MAP3K14: variants seen among roughly 807,000 people sequenced by gnomAD.
MAP3K14 encodes NF-kappa-beta-inducing kinase.
In MAP3K14, 16 loss-of-function variants were observed where a neutral mutation model predicts 99.2. That is an observed-to-expected ratio of 0.16 (90% CI 0.11 to 0.24). The LOEUF is 0.24. Ranked by LOEUF, MAP3K14 falls within the 10% of genes least tolerant of loss-of-function variation. The pLI, the probability that MAP3K14 is intolerant of heterozygous loss-of-function variation, is 1.00. For synonymous variants in MAP3K14, 462 were observed against 492.4 expected (o/e 0.94, Z 0.82); for missense variants, 784 against 1,208.7 (o/e 0.65, Z 5.21).
intron 1 of MAP3K14, among the ~76,000 whole-genome samples, chr17:45,306,180 AG>A (rs2044428671): frequency 3.3e-5 from 5 of 152,326 alleles, no homozygotes; most frequent in African/African-American, 9.6e-5. Flanking sequence ...TCCGTTTACA[AG>A]GAGGAAGAAA....
At chr17:45,284,612 G>C (rs1246969251) in intron 6 of MAP3K14, among the ~76,000 whole-genome samples, 200 bp downstream of exon 6, 1 of 152,216 alleles carries the variant, frequency 6.6e-6, no homozygotes, top group Non-Finnish European at 1.5e-5. Context: ...ACACATGCCA[G>C]GGGCAGCAGC....
chr17:45,297,867 T>A (rs2044357511), intron 1 of MAP3K14, among the ~76,000 whole-genome samples: 1 of 151,940 alleles, frequency 6.6e-6, no homozygotes, highest in Admixed American at 6.6e-5. Context: ...TACAGGCATG[T>A]GCCACCACAT....
chr17:45,282,111 C>T (rs1302728776), intron 6 of MAP3K14: 1 of 151,980 alleles, frequency 6.6e-6, no homozygotes, highest in African/African-American at 2.4e-5. Context: ...CTATTTTTTA[C>T]TCTTTTGTAG....
At chr17:45,306,856 A>G (rs1362607852) in intron 1 of MAP3K14, among the ~76,000 whole-genome samples, 2 of 152,252 alleles carry the variant, frequency 1.3e-5, no homozygotes, top group Non-Finnish European at 2.9e-5. Flanking sequence ...CAAAGACCCA[A>G]TATGCAGGAG....
At chr17:45,285,800 A>T (rs35504932) in intron 5 of MAP3K14, among the ~76,000 whole-genome samples, 4,558 of 151,934 alleles carry the variant, frequency 0.03, 231 homozygotes, top group African/African-American at 0.11. Context: ...TATTAAAAAA[A>T]ATATAGCTGG....
At chr17:45,288,684 CTT>C (rs2044287440) in intron 3 of MAP3K14, among the ~76,000 whole-genome samples, 1 of 152,152 alleles carries the variant, frequency 6.6e-6, no homozygotes, top group Admixed American at 6.5e-5. Context: ...CACTTGAACT[CTT>C]GTTTCAAAAA....
intron 1 of MAP3K14, among the ~76,000 whole-genome samples, chr17:45,314,759 ATC>A (rs1474598280): frequency 1.1e-4 from 17 of 152,208 alleles, no homozygotes; most frequent in Admixed American, 7.9e-4. Context: ...CAGAAAGAAC[ATC>A]TGTCAAACCA....
intron 6 of MAP3K14, chr17:45,282,092 T>G (rs2044227898): frequency 6.6e-6 from 1 of 152,098 alleles, no homozygotes; most frequent in African/African-American, 2.4e-5. Flanking sequence ...TGAAATTTCT[T>G]TTTTATTTCT....
At chr17:45,281,808 T>TA (rs1421850646) in intron 6 of MAP3K14, 1 of 151,854 alleles carries the variant, frequency 6.6e-6, no homozygotes, top group South Asian at 2.1e-4. Context: ...CACACCCGGC[T>TA]AATATTTGTA....
intron 11 of MAP3K14, among the ~76,000 whole-genome samples, chr17:45,269,590 G>C (rs1427484970): frequency 1.3e-5 from 2 of 152,188 alleles, no homozygotes; most frequent in East Asian, 3.8e-4. Flanking sequence ...CGTACTGGGA[G>C]GGAAGGGGGC....
At chr17:45,295,650 G>C (rs2044341195) in intron 1 of MAP3K14, among the ~76,000 whole-genome samples, 1 of 152,226 alleles carries the variant, frequency 6.6e-6, no homozygotes, top group Non-Finnish European at 1.5e-5. Context: ...TTGCAGAGGT[G>C]GGGTTGAACC....
At position 45,267,424 on chromosome 17, in the gene MAP3K14, G is replaced by T; in HGVS notation, c.2308C>A (p.Leu770Met). Residue 770 changes from leucine (L) to methionine (M), a missense_variant, in exon 12 of 16, where the codon CTG becomes ATG. By Grantham distance (15) the Leu-to-Met change is conservative. Coordinates refer to ENST00000344686, the MANE Select transcript of MAP3K14 (RefSeq NM_003954.5). This position sits in a 1 kb window ranked among gnomAD's most constrained non-coding sequence, Gnocchi z 5.1. The part of the protein sequence containing the change: ...ERKATVPEQE[L>M]QQLEIELFLN... ...CCCGTACCTATTTCCAGCTGCTGCA[G>T]TTCCTGCTCCGGGACGGTTGCTTTC... 6.3e-7 allele frequency: 1 copy of T among 1,599,232 alleles called. No individual in the cohort carries two copies. Among genetic ancestry groups the T allele is most frequent in the East Asian group, 2.3e-5 (1 of 44,416 alleles).
chr17:45,271,065 C>T lies in MAP3K14; in HGVS notation c.1814G>A (p.Cys605Tyr). The T allele has an allele frequency of 6.2e-7, 1 of 1,612,658 alleles. No individual in the cohort carries two copies. Among genetic ancestry groups the T allele is most frequent in the Non-Finnish European group, 8.5e-7 (1 of 1,179,668 alleles). ...PWTQFFRGPLCLKIASEPPPV... is the reference protein window; with the variant it reads ...PWTQFFRGPLYLKIASEPPPV... ...CTGGGTGCCGTCACCGACCTTGAGG[C>T]AGAGCGGCCCTCGGAAGAACTGAGT... is the stretch of plus-strand genomic sequence containing the variant. The change falls in exon 10 of 16, where the codon TGC becomes TAC. Residue 605 changes from cysteine to tyrosine, a missense_variant. This residue lies in a region of MAP3K14 where 200 missense variants were observed against 367.9 expected (regional missense o/e 0.54). Coordinates refer to ENST00000344686, the MANE Select transcript of MAP3K14 (RefSeq NM_003954.5).
In MAP3K14 at chr17:45,300,790, G is replaced by C. The variant is rs2044381497; in HGVS notation, c.-20-10025C>G. On this transcript the variant is annotated intron_variant, in intron 1 of 15. Transcript: ENST00000344686. ...ACAATAAAGCATCATAGCAAGTGAA[G>C]ATACCCACTTTTTGTGTGCACAACT... Among the ~76,000 whole-genome samples, 4 of 152,102 alleles carry C rather than the reference G, an allele frequency of 2.6e-5. No individual in the cohort carries two copies. The South Asian group carries it at 8.3e-4, about 31-fold the overall frequency.
intron 1 of MAP3K14, among the ~76,000 whole-genome samples, chr17:45,307,166 A>C (rs2044436539): frequency 6.6e-6 from 1 of 151,996 alleles, no homozygotes; most frequent in African/African-American, 2.4e-5. Flanking sequence ...GCTGAGGCAC[A>C]AGAATCGCTT....
At chr17:45,298,540 C>G (rs1038177879) in intron 1 of MAP3K14, among the ~76,000 whole-genome samples, 2 of 152,152 alleles carry the variant, frequency 1.3e-5, no homozygotes, top group African/African-American at 4.8e-5. Flanking sequence ...AAGTAATATT[C>G]GTATCAGACA....
rs986607520 is a variant in MAP3K14 at position 45,267,770 on chromosome 17, G to T, written c.1973-11C>A. ...TCTTCAGACCTCCCACTAGAAAACA[G>T]AGAGTACAATGGTGAGGGGAAGCGT... is the stretch of plus-strand genomic sequence containing the variant. On this transcript the variant is annotated splice_polypyrimidine_tract_variant and intron_variant, in intron 11 of 15. Transcript: ENST00000344686. The surrounding 1 kb of genome is among the most constrained non-coding windows in gnomAD (Gnocchi z 5.1). The T allele has an allele frequency of 6.2e-7, 1 of 1,601,554 alleles. No homozygotes were observed. The highest frequency in any genetic ancestry group is 1.7e-4 in the Middle Eastern group (1 of 6,030).
chr17:45,303,123 G>A (rs578198605), intron 1 of MAP3K14, among the ~76,000 whole-genome samples: 1 of 152,224 alleles, frequency 6.6e-6, no homozygotes, highest in African/African-American at 2.4e-5. Context: ...GGACCAGGGA[G>A]AAAAAAACCA....
At chr17:45,276,386 C>G (rs2044180354) in intron 6 of MAP3K14, among the ~76,000 whole-genome samples, 1 of 152,206 alleles carries the variant, frequency 6.6e-6, no homozygotes. Context: ...GTATCTGCTC[C>G]TGGGTAGAGC....
Sources: gnomAD v4.1 joint callset for allele counts (sites outside exome capture counted in the v4.1 genomes callset) on GRCh38, gnomAD v4.1.1 for gene constraint, gnomAD v4.1.1 regional missense constraint, Gnocchi (gnomAD v3.1) non-coding constraint, MANE v1.5 for transcripts, NCBI Gene and HGNC (gene_info 2026-07-23, HGNC 2026-07-21) for gene names.